The following SPIDR variants were observed in gnomAD, a reference collection of about 807,000 sequenced individuals.
The protein encoded by SPIDR is scaffold protein involved in DNA repair, also known as DNA repair-scaffolding protein.
SPIDR carries 93 observed loss-of-function variants against 104.6 expected under a neutral mutation model. That is an observed-to-expected ratio of 0.89 (90% CI 0.75 to 1.06). SPIDR has a LOEUF of 1.06. Among genes scored for constraint, SPIDR ranks in the 50% least tolerant of loss-of-function variants. The pLI, the probability that SPIDR is intolerant of heterozygous loss-of-function variation, is 0.00. For synonymous variants in SPIDR, 431 were observed against 416.9 expected, an observed-to-expected ratio of 1.03 and a Z score of -0.41; for missense variants, 1,154 against 1,111.2, an observed-to-expected ratio of 1.04 and a Z score of -0.55.
Position 47,728,957 on chromosome 8 carries a change from C to T in SPIDR, c.2460C>T (p.Cys820=). The T allele has an allele frequency of 6.2e-7, 1 of 1,613,838 alleles. No homozygotes were observed. Among genetic ancestry groups the T allele is most frequent in the Non-Finnish European group, 8.5e-7 (1 of 1,179,978 alleles). ...EDRGAFSCGD[C]SRVVTSPVLK... is the part of the protein sequence containing the mutation. ...GAGGCGCCTTTTCCTGTGGGGACTG[C>T]TCCCGGGTGGTCACATCTCCTGTTC... The change falls in exon 18 of 20, where the codon TGC becomes TGT. Residue 820 remains cysteine, a synonymous_variant. Coordinates refer to ENST00000297423, the MANE Select transcript of SPIDR (RefSeq NM_001080394.4).
intron 11 of SPIDR, among the ~76,000 whole-genome samples, chr8:47,694,827 A>G (rs1032687840): frequency 6.6e-6 from 1 of 152,166 alleles, no homozygotes; most frequent in Non-Finnish European, 1.5e-5. Flanking sequence ...TTTAAAAAAA[A>G]ATATGAGTTA....
At chr8:47,467,033 TCAC>T (rs2074972790) in intron 8 of SPIDR, among the ~76,000 whole-genome samples, 1 of 151,526 alleles carries the variant, frequency 6.6e-6, no homozygotes, top group Admixed American at 6.6e-5. Flanking sequence ...AAAGGTGATA[TCAC>T]CACTGACCCC....
At chr8:47,320,179 A>G (rs902406710) in intron 5 of SPIDR, among the ~76,000 whole-genome samples, 2 of 152,236 alleles carry the variant, frequency 1.3e-5, no homozygotes, top group Admixed American at 6.5e-5. Context: ...TGAAAAGATC[A>G]ACAAACTTGA....
chr8:47,543,208 A>G (rs1045337709), intron 8 of SPIDR, among the ~76,000 whole-genome samples: 1 of 152,106 alleles, frequency 6.6e-6, no homozygotes, highest in African/African-American at 2.4e-5. Flanking sequence ...GCTGAGTCCT[A>G]TTGTTGTTGC....
At chr8:47,583,359 T>C (rs1008624733) in intron 8 of SPIDR, among the ~76,000 whole-genome samples, 7 of 151,236 alleles carry the variant, frequency 4.6e-5, no homozygotes, top group Admixed American at 4.0e-4. Context: ...ATAATGTTCA[T>C]TGGTAGTGTT....
intron 1 of SPIDR, 54 bp downstream of exon 1, chr8:47,261,045 C>T (rs373762327): frequency 5.7e-6 from 7 of 1,224,300 alleles, no homozygotes; most frequent in East Asian, 3.2e-5. Context: ...TGCGGGGAAG[C>T]GGCGGGCCGG....
chr8:47,314,345 G>A (rs2044839313), intron 5 of SPIDR, among the ~76,000 whole-genome samples: 2 of 152,134 alleles, frequency 1.3e-5, no homozygotes, highest in African/African-American at 4.8e-5. Context: ...TATAAAGGAA[G>A]GAACAGCAGA....
intron 5 of SPIDR, among the ~76,000 whole-genome samples, chr8:47,320,759 G>C (rs1165310713): frequency 2.0e-5 from 3 of 152,078 alleles, no homozygotes; most frequent in African/African-American, 2.4e-5. Context: ...ATGATCAAGT[G>C]GGCTTCATCC....
intron 3 of SPIDR, among the ~76,000 whole-genome samples, chr8:47,290,583 T>C (rs2039725960): frequency 1.3e-5 from 2 of 152,218 alleles, no homozygotes; most frequent in African/African-American, 2.4e-5. Context: ...AGGTTTGGTC[T>C]TAAGTGTTTT....
chr8:47,474,291 A>C (rs372976128), intron 8 of SPIDR, among the ~76,000 whole-genome samples: 1 of 152,184 alleles, frequency 6.6e-6, no homozygotes, highest in African/African-American at 2.4e-5. Context: ...TCGAATACCC[A>C]TGTGTATTCT....
chr8:47,659,706 T>G, intron 10 of SPIDR: 1 of 984,824 alleles, frequency 1.0e-6, no homozygotes, highest in Non-Finnish European at 1.2e-6. Flanking sequence ...AGCCCTCTTC[T>G]GTCCCCATGC....
intron 8 of SPIDR, among the ~76,000 whole-genome samples, chr8:47,559,932 A>C (rs570855266): frequency 6.6e-5 from 10 of 152,354 alleles, no homozygotes; most frequent in Admixed American, 5.9e-4. Flanking sequence ...TAAGAATAAC[A>C]TTAACATAAT....
At chr8:47,608,477 G>A (rs2063233064) in intron 10 of SPIDR, among the ~76,000 whole-genome samples, 1 of 152,168 alleles carries the variant, frequency 6.6e-6, no homozygotes, top group African/African-American at 2.4e-5. Flanking sequence ...GAATTGCTGA[G>A]TCATAAGGTA....
Position 47,732,264 on chromosome 8 carries a change from G to A in SPIDR, c.2604+2799G>A, listed in dbSNP as rs935463819. ...CATAGGTAAAAGCCCTGCTTATAAA[G>A]AGCTCAAAGGTGTGTGTACCTGAGT... On this transcript the variant is annotated intron_variant, in intron 19 of 19. Transcript: ENST00000297423. The A allele has an allele frequency of 1.0e-5, 7 of 698,466 alleles. No homozygotes were observed. The African/African-American group carries it at 1.2e-4, about 12-fold the overall frequency. 43.3% of individuals were successfully genotyped at this position (698,466 alleles called of 1,614,324 possible).
Position 47,338,282 on chromosome 8 carries a change from A to G in SPIDR, c.525+44252A>G, listed in dbSNP as rs182698403. Among the ~76,000 whole-genome samples, 5 of 152,294 alleles carry G rather than the reference A, an allele frequency of 3.3e-5. No homozygotes were observed. The East Asian group carries it at 9.6e-4, about 29-fold the overall frequency. ...ACATGGTTAAAAGATATGTTGTTCT[A>G]CTTTTATGGTATGAAATTCCCCATA... On this transcript the variant is annotated intron_variant, in intron 5 of 19. Transcript: ENST00000297423.
chr8:47,445,289 T>C (rs1339703836), intron 8 of SPIDR, among the ~76,000 whole-genome samples: 4 of 152,230 alleles, frequency 2.6e-5, no homozygotes, highest in Admixed American at 2.6e-4. Flanking sequence ...TTTTCATAAT[T>C]ATTATCTATT....
intron 10 of SPIDR, among the ~76,000 whole-genome samples, chr8:47,617,481 A>T (rs1404529685): frequency 4.6e-5 from 7 of 152,204 alleles, no homozygotes; most frequent in Admixed American, 1.3e-4. Flanking sequence ...TTTGCAGTGG[A>T]TAAATATATC....
chr8:47,606,731 G>A (rs1373373817), intron 10 of SPIDR, among the ~76,000 whole-genome samples: 4 of 152,216 alleles, frequency 2.6e-5, no homozygotes, highest in Admixed American at 6.5e-5. Flanking sequence ...CTGGTCAGCT[G>A]TGGCACACTG....
At chr8:47,517,509 G>C (rs2083346637) in intron 8 of SPIDR, among the ~76,000 whole-genome samples, 1 of 152,090 alleles carries the variant, frequency 6.6e-6, no homozygotes, top group African/African-American at 2.4e-5. Context: ...TCAGAAAAGA[G>C]TGGGCTTCTC....
Sources: allele counts gnomAD v4.1 joint callset (sites outside exome capture counted in the v4.1 genomes callset), GRCh38; gene constraint gnomAD v4.1.1; transcripts MANE v1.5; gene names NCBI Gene and HGNC (gene_info 2026-07-23, HGNC 2026-07-21).